Variants in CTNNA2 observed in about 807,000 individuals in gnomAD.
CTNNA2 encodes the protein catenin alpha-2.
In CTNNA2, 42 loss-of-function variants were observed where a neutral mutation model predicts 101.0. The observed-to-expected ratio is 0.42, with a 90% CI of 0.32 to 0.54. The LOEUF is 0.54. Ranked by LOEUF, CTNNA2 falls within the 20% of genes least tolerant of loss-of-function variation. The probability of loss-of-function intolerance (pLI) is 0.14; values close to 1 mark genes in which losing one functional copy is unlikely to be tolerated. For synonymous variants in CTNNA2, 450 were observed against 456.4 expected (o/e 0.99, Z 0.18); for missense variants, 871 against 1,223.1 (o/e 0.71, Z 4.29).
At chr2:80,600,574 T>C (rs371435673) in intron 15 of CTNNA2, among the ~76,000 whole-genome samples, 1 of 152,140 alleles carries the variant, frequency 6.6e-6, no homozygotes, top group Admixed American at 6.5e-5. Flanking sequence ...TCATTAATAA[T>C]GATCAATAAA....
chr2:80,157,647 A>C (rs1704066053), intron 7 of CTNNA2, among the ~76,000 whole-genome samples: 1 of 151,932 alleles, frequency 6.6e-6, no homozygotes. Flanking sequence ...AATTAGGTCA[A>C]GGGAAGGTAG....
At chr2:79,408,849 G>A (rs1678373258) in intron 4 of CTNNA2, among the ~76,000 whole-genome samples, 1 of 151,594 alleles carries the variant, frequency 6.6e-6, no homozygotes, top group South Asian at 2.1e-4. Flanking sequence ...GGTATTTCTA[G>A]TTCTAGATCC....
intron 7 of CTNNA2, among the ~76,000 whole-genome samples, chr2:79,922,461 T>C (rs544567743): frequency 1.3e-5 from 2 of 152,146 alleles, no homozygotes; most frequent in Non-Finnish European, 2.9e-5. Context: ...TGGTAAATGC[T>C]GCACCCATGA....
At chr2:79,931,965 C>T (rs1015925129) in intron 7 of CTNNA2, among the ~76,000 whole-genome samples, 1 of 152,202 alleles carries the variant, frequency 6.6e-6, no homozygotes, top group African/African-American at 2.4e-5. Context: ...AAAACAGTTG[C>T]GTATGGAAGG....
At chr2:80,595,997 A>G (rs1193066470) in intron 15 of CTNNA2, among the ~76,000 whole-genome samples, 1 of 152,178 alleles carries the variant, frequency 6.6e-6, no homozygotes, top group Non-Finnish European at 1.5e-5. Context: ...ATCCATGAGC[A>G]TGGAATGTTT....
intron 7 of CTNNA2, among the ~76,000 whole-genome samples, chr2:79,950,998 A>G (rs1347016896): frequency 1.3e-5 from 2 of 152,204 alleles, no homozygotes; most frequent in Non-Finnish European, 2.9e-5. Flanking sequence ...TTGCCAAAAT[A>G]TACTATATAA....
intron 9 of CTNNA2, 55 bp downstream of exon 9, chr2:80,419,656 T>A: frequency 6.5e-7 from 1 of 1,544,372 alleles, no homozygotes; most frequent in Non-Finnish European, 8.8e-7. Flanking sequence ...AATCTCTGCA[T>A]ATGGCTCTTA....
intron 2 of CTNNA2, among the ~76,000 whole-genome samples, chr2:79,285,049 G>A (rs913503891): frequency 7.0e-6 from 1 of 143,288 alleles, no homozygotes; most frequent in African/African-American, 2.6e-5. Context: ...TATTTGCGTA[G>A]AGGTGTTTGT....
intron 7 of CTNNA2, among the ~76,000 whole-genome samples, chr2:79,940,689 G>T (rs981802380): frequency 2.0e-5 from 3 of 152,168 alleles, no homozygotes; most frequent in Non-Finnish European, 4.4e-5. Flanking sequence ...GGGGTCTGTA[G>T]TGCAAATGCA....
At chr2:80,153,614 A>T (rs1477428172) in intron 7 of CTNNA2, among the ~76,000 whole-genome samples, 1 of 152,164 alleles carries the variant, frequency 6.6e-6, no homozygotes, top group Non-Finnish European at 1.5e-5. Context: ...ATTCCTATGG[A>T]TTAGCTAATT....
At chr2:79,296,540 A>T (rs2104386480) in intron 2 of CTNNA2, among the ~76,000 whole-genome samples, 1 of 152,154 alleles carries the variant, frequency 6.6e-6, no homozygotes, top group Non-Finnish European at 1.5e-5. Context: ...CTTATTATGC[A>T]CTCTAGCACC....
At chr2:79,662,553 G>T (rs892231851) in intron 2 of CTNNA2, among the ~76,000 whole-genome samples, 4 of 151,968 alleles carry the variant, frequency 2.6e-5, no homozygotes, top group Non-Finnish European at 4.4e-5. Context: ...CTGAACTGGA[G>T]ACCAAAAAAT....
intron 9 of CTNNA2, among the ~76,000 whole-genome samples, chr2:80,479,625 CTA>C (rs1329107543): frequency 6.6e-6 from 1 of 151,980 alleles, no homozygotes; most frequent in African/African-American, 2.4e-5. Flanking sequence ...CAGGTGGAAA[CTA>C]TAAATAGGCA....
chr2:79,655,351 A>G (rs1681536400), intron 2 of CTNNA2, among the ~76,000 whole-genome samples: 1 of 152,200 alleles, frequency 6.6e-6, no homozygotes, highest in Non-Finnish European at 1.5e-5. Context: ...TTTGATGGCT[A>G]TATATTCAGG....
rs565982258 is a variant in CTNNA2 at position 79,997,316 on chromosome 2, AAAG to A, written c.1056+87521_1056+87523del. Among the ~76,000 whole-genome samples the A allele has an allele frequency of 1.1e-4, 17 of 152,076 alleles. No homozygotes were observed. In the East Asian group the frequency reaches 3.3e-3, roughly 29 times the overall value. ...TAGAAGGAAGGAAGGAAGGAGAAAA[AAAG>A]AGAGGGAGGGAGGGAAGGAAGGAAA... On this transcript the variant is annotated intron_variant, in intron 7 of 18. Transcript: ENST00000402739.
At chr2:79,672,812 T>C (rs1197554989) in intron 2 of CTNNA2, among the ~76,000 whole-genome samples, 1 of 151,228 alleles carries the variant, frequency 6.6e-6, no homozygotes, top group Non-Finnish European at 1.5e-5. Context: ...CAGGTTCAAG[T>C]GATTTGCCTG....
intron 8 of CTNNA2, among the ~76,000 whole-genome samples, chr2:80,411,284 T>C (rs930438232): frequency 4.6e-5 from 7 of 152,068 alleles, no homozygotes; most frequent in Non-Finnish European, 1.0e-4. Flanking sequence ...AAGTTCTCCT[T>C]TTTTTTTCCG....
At chr2:79,906,292 AT>A (rs1685417753) in intron 6 of CTNNA2, among the ~76,000 whole-genome samples, 1 of 149,906 alleles carries the variant, frequency 6.7e-6, no homozygotes, top group East Asian at 1.9e-4. Flanking sequence ...CTCATCCGGG[AT>A]ACACACACAC....
chr2:79,760,416 G>A (rs1160582868), intron 3 of CTNNA2, among the ~76,000 whole-genome samples: 1 of 152,018 alleles, frequency 6.6e-6, no homozygotes, highest in Non-Finnish European at 1.5e-5. Flanking sequence ...TGTGGGACTA[G>A]CAAGTCCACC....
Sources: gnomAD v4.1 joint callset for allele counts (sites outside exome capture counted in the v4.1 genomes callset) on GRCh38, gnomAD v4.1.1 for gene constraint, MANE v1.5 for transcripts, NCBI Gene and HGNC (gene_info 2026-07-23, HGNC 2026-07-21) for gene names.